The following CELA2A variants were observed in gnomAD, a reference collection of about 807,000 sequenced individuals.
CELA2A encodes the protein chymotrypsin like elastase 2A, also known as chymotrypsin-like elastase family member 2A.
Under a neutral mutation model 35.3 loss-of-function variants are expected in CELA2A, and 31 were observed. The ratio of observed to expected loss-of-function variants is 0.88; its 90% CI spans 0.66 to 1.19. The LOEUF (loss-of-function observed/expected upper bound fraction) is 1.19. CELA2A is among the 50% of genes most tolerant of loss of function. The probability of loss-of-function intolerance (pLI) is 0.00; values close to 1 mark genes in which losing one functional copy is unlikely to be tolerated. For synonymous variants in CELA2A, 150 were observed against 149.8 expected (o/e 1.00, Z -0.01); for missense variants, 330 against 352.9 (o/e 0.94, Z 0.52).
chr1:15,466,351 C>CA (rs1182839813), intron 6 of CELA2A, among the ~76,000 whole-genome samples: 3 of 152,134 alleles, frequency 2.0e-5, no homozygotes, highest in Non-Finnish European at 4.4e-5. Flanking sequence ...CACTTGAGGT[C>CA]AGCAGTTCAA....
chr1:15,467,314 A>ATTTCTATTG, intron 6 of CELA2A, 72 bp from the exon 7 acceptor site: 1 of 1,493,258 alleles, frequency 6.7e-7, no homozygotes. Flanking sequence ...ATAGAAATGC[A>ATTTCTATTG]TTGAGAACAA....
intron 5 of CELA2A, among the ~76,000 whole-genome samples, chr1:15,463,960 G>T (rs530319054): frequency 6.6e-6 from 1 of 151,864 alleles, no homozygotes; most frequent in African/African-American, 2.4e-5. Flanking sequence ...GCTGAGGCAC[G>T]AGAATCACTT....
At chr1:15,466,248 A>G in intron 6 of CELA2A, 104 bp downstream of exon 6, 1 of 1,323,800 alleles carries the variant, frequency 7.6e-7, no homozygotes, top group Non-Finnish European at 1.1e-6. Context: ...CTCCTGGCAG[A>G]ATTACCCCGA....
chr1:15,466,765 C>A (rs575874967), intron 6 of CELA2A, among the ~76,000 whole-genome samples: 1 of 152,154 alleles, frequency 6.6e-6, no homozygotes, highest in African/African-American at 2.4e-5. Context: ...GGCCTTTCTA[C>A]GATGACTTCT....
At chr1:15,469,331 C>T (rs550189380) in intron 7 of CELA2A, among the ~76,000 whole-genome samples, 1 of 152,278 alleles carries the variant, frequency 6.6e-6, no homozygotes, top group African/African-American at 2.4e-5. Flanking sequence ...GGGACTTGAA[C>T]TAGACCAGGA....
chr1:15,460,891 C>T (rs533176494), intron 2 of CELA2A, among the ~76,000 whole-genome samples: 8 of 151,948 alleles, frequency 5.3e-5, no homozygotes, highest in Non-Finnish European at 7.4e-5. Context: ...CTGCCTCACA[C>T]GGCTAATAAA....
At chr1:15,462,631 T>C in intron 3 of CELA2A, 102 bp from the exon 4 acceptor site, 2 of 1,437,444 alleles carry the variant, frequency 1.4e-6, no homozygotes, top group Non-Finnish European at 1.9e-6. Context: ...CCAAGTCCCA[T>C]CTAGTGGCTC....
At position 15,459,002 on chromosome 1, in the gene CELA2A, T is replaced by G. The variant is rs142689840; in HGVS notation, c.129+1828T>G. Among the ~76,000 whole-genome samples, 274 of 150,332 alleles carry G rather than the reference T, an allele frequency of 1.8e-3. 3 individuals carry two copies. The highest frequency in any genetic ancestry group is 7.2e-3 in the South Asian group (34 of 4,736). On this transcript the variant is annotated intron_variant, in intron 2 of 7. Transcript: ENST00000359621. ...ATGGCAGATATTTCACATTTTTTTCTTTTTTTGAGACAGAGTCTTGCTCTG... is the reference window on the plus strand; with the variant it reads ...ATGGCAGATATTTCACATTTTTTTCGTTTTTTGAGACAGAGTCTTGCTCTG...
At chr1:15,465,920 G>A in intron 5 of CELA2A, 79 bp from the exon 6 acceptor site, 3 of 1,533,900 alleles carry the variant, frequency 2.0e-6, no homozygotes, top group Non-Finnish European at 2.7e-6. Context: ...AGGAACAGGG[G>A]AAACCTAAGA....
chr1:15,458,331 C>A (rs1435873732), intron 2 of CELA2A, among the ~76,000 whole-genome samples: 1 of 150,676 alleles, frequency 6.6e-6, no homozygotes, highest in Non-Finnish European at 1.5e-5. Flanking sequence ...TTTTAAGAGT[C>A]ATGGTGATCC....
In CELA2A at chr1:15,458,619, C is replaced by A. The variant is rs74054724; in HGVS notation, c.129+1445C>A. Reference sequence around the variant, plus strand: ...ATTCATCTGCTCCTTGATTAAGAGACTGTCAATGATAGGCCAGGCGTGGTG... The same window carrying A: ...ATTCATCTGCTCCTTGATTAAGAGAATGTCAATGATAGGCCAGGCGTGGTG... On this transcript the variant is annotated intron_variant, in intron 2 of 7. Coordinates refer to ENST00000359621, the MANE Select transcript of CELA2A (RefSeq NM_033440.3). Among the ~76,000 whole-genome samples, 1,452 of 152,144 alleles carry A rather than the reference C, an allele frequency of 9.5e-3. 16 individuals are homozygous for A. The highest frequency in any genetic ancestry group is 0.034 in the African/African-American group (1,392 of 41,508).
At chr1:15,467,575 C>A (rs769846390) in intron 7 of CELA2A, 37 bp downstream of exon 7, 166 of 1,606,894 alleles carry the variant, frequency 1.0e-4, no homozygotes, top group Admixed American at 1.8e-4. Context: ...CAAGGCACTA[C>A]CCTGCTCACC....
At chr1:15,462,931 G>A (rs1049360969) in intron 4 of CELA2A, 70 bp downstream of exon 4, 47 of 1,604,580 alleles carry the variant, frequency 2.9e-5, no homozygotes, top group Admixed American at 1.7e-4. Context: ...ACAGAGGCAA[G>A]GGTCTCAACC....
intron 7 of CELA2A, among the ~76,000 whole-genome samples, chr1:15,469,201 A>G (rs971041792): frequency 2.0e-5 from 3 of 152,108 alleles, no homozygotes; most frequent in African/African-American, 7.2e-5. Flanking sequence ...ACACACAAAA[A>G]AGAAAGAGTT....
Position 15,466,109 on chromosome 1 carries a change from T to G in CELA2A, c.604T>G (p.Cys202Gly). ...WGSSVKTSMICAGGDGVISSC... is the reference protein window; with the variant it reads ...WGSSVKTSMIGAGGDGVISSC... ...CAGCAGCGTGAAAACCAGTATGATCTGTGCTGGGGGTGATGGCGTGATCTC... is the reference window on the plus strand; with the variant it reads ...CAGCAGCGTGAAAACCAGTATGATCGGTGCTGGGGGTGATGGCGTGATCTC... The change falls in exon 6 of 8, where the codon TGT (cysteine) becomes GGT (glycine). Residue 202 changes from cysteine (C) to glycine (G), a missense_variant. By Grantham distance (159) the Cys-to-Gly change is radical (BLOSUM62 -3). Transcript: ENST00000359621. The G allele has an allele frequency of 6.2e-7, 1 of 1,614,150 alleles. No individual in the cohort carries two copies. Among genetic ancestry groups the G allele is most frequent in the Non-Finnish European group, 8.5e-7 (1 of 1,180,032 alleles).
Position 15,458,069 on chromosome 1 carries a change from C to T in CELA2A, c.129+895C>T, listed in dbSNP as rs191585063. On this transcript the variant is annotated intron_variant, in intron 2 of 7. Transcript: ENST00000359621. ...CTCATTTATCTGATGTAATTGGGAC[C>T]GAGTAATTGAAAAGTTGGTTATAAA... Among the ~76,000 whole-genome samples the T allele has an allele frequency of 1.4e-4, 21 of 151,878 alleles. 1 individual carries two copies. The highest frequency in any genetic ancestry group is 1.0e-3 in the Admixed American group (16 of 15,270).
intron 2 of CELA2A, among the ~76,000 whole-genome samples, chr1:15,458,845 G>A (rs372312949): frequency 1.5e-5 from 2 of 131,204 alleles, no homozygotes; most frequent in African/African-American, 2.9e-5. Flanking sequence ...CCTGGGAGGC[G>A]CAGGTTGCGG....
rs201476668 is a variant in CELA2A at position 15,462,778 on chromosome 1, C to T, written c.273C>T (p.Tyr91=). The T allele has an allele frequency of 1.9e-5, 31 of 1,614,138 alleles. No individual in the cohort carries two copies. Among genetic ancestry groups the T allele is most frequent in the Admixed American group, 1.2e-4 (7 of 60,012 alleles). ...YRVGLGRHNL[Y]VAESGSLAVS... ...TGGGGCTGGGCCGGCACAACCTCTA[C>T]GTTGCGGAGTCCGGCTCGCTGGCAG... The change falls in exon 4 of 8, where the codon TAC becomes TAT. Residue 91 remains tyrosine, a synonymous_variant. Coordinates refer to ENST00000359621, the MANE Select transcript of CELA2A (RefSeq NM_033440.3).
In CELA2A at chr1:15,463,427, T is replaced by C. The variant is rs1403373731; in HGVS notation, c.398T>C (p.Leu133Pro). The C allele has an allele frequency of 6.2e-7, 1 of 1,613,884 alleles. No homozygotes were observed. Among genetic ancestry groups the C allele is most frequent in the Non-Finnish European group, 8.5e-7 (1 of 1,179,882 alleles). The part of the protein sequence containing the change: ...ALLKLANPVS[L>P]TDKIQLACLP... ...CTCAAACTGGCTAACCCCGTCTCCCTCACCGACAAGATCCAGCTGGCCTGC... is the reference window on the plus strand; with the variant it reads ...CTCAAACTGGCTAACCCCGTCTCCCCCACCGACAAGATCCAGCTGGCCTGC... The change falls in exon 5 of 8, where the codon CTC (leucine) becomes CCC (proline). Residue 133 changes from leucine to proline, a missense_variant. Transcript: ENST00000359621.
Sources: gnomAD v4.1 joint callset for allele counts (sites outside exome capture counted in the v4.1 genomes callset) on GRCh38, gnomAD v4.1.1 for gene constraint, MANE v1.5 for transcripts, NCBI Gene and HGNC (gene_info 2026-07-23, HGNC 2026-07-21) for gene names.